EYA4: variants seen among roughly 807,000 people sequenced by gnomAD.
The protein encoded by EYA4 is EYA transcriptional coactivator and phosphatase 4, also known as protein phosphatase EYA4.
A neutral mutation model predicts 87.9 loss-of-function variants in EYA4; 31 were observed. The ratio of observed to expected loss-of-function variants is 0.35; its 90% CI spans 0.27 to 0.48. EYA4 has a LOEUF of 0.48. EYA4 is among the 20% of genes least tolerant of loss of function. The pLI is 0.99. For missense variants in EYA4, 678 were observed against 761.4 expected, an observed-to-expected ratio of 0.89 and a Z score of 1.29; for synonymous variants, 263 against 270.6, an observed-to-expected ratio of 0.97 and a Z score of 0.28.
rs544706660 is a variant in EYA4 at position 133,435,998 on chromosome 6, A to G, written c.84-10632A>G. ...CACTTTGGGAGGCTGAGGCAGTTGGATCAGGAGGTCAGGAGTTCGAGACCA... is the reference window on the plus strand; with the variant it reads ...CACTTTGGGAGGCTGAGGCAGTTGGGTCAGGAGGTCAGGAGTTCGAGACCA... On this transcript the variant is annotated intron_variant, in intron 3 of 19. Transcript: ENST00000355286. Among the ~76,000 whole-genome samples, 3 of 152,198 alleles carry G rather than the reference A, an allele frequency of 2.0e-5. No homozygotes were observed. In the South Asian group the frequency reaches 6.2e-4, roughly 32 times the overall value.
intron 13 of EYA4, among the ~76,000 whole-genome samples, chr6:133,505,766 A>G (rs1798550177): frequency 6.6e-6 from 1 of 152,100 alleles, no homozygotes; most frequent in Admixed American, 6.6e-5. Flanking sequence ...ACCCCATCCA[A>G]ATACCTTTCT....
chr6:133,293,149 C>T (rs1020197842), intron 2 of EYA4, among the ~76,000 whole-genome samples: 2 of 152,136 alleles, frequency 1.3e-5, no homozygotes, highest in African/African-American at 4.8e-5. Context: ...CTCAATTCCT[C>T]CTACTTCATT....
At chr6:133,414,653 AG>A (rs1388926462) in intron 3 of EYA4, among the ~76,000 whole-genome samples, 1 of 152,144 alleles carries the variant, frequency 6.6e-6, no homozygotes, top group Non-Finnish European at 1.5e-5. Flanking sequence ...AATTTTCCCC[AG>A]GGGGTAAACT....
intron 19 of EYA4, 79 bp downstream of exon 19, chr6:133,525,333 G>A: frequency 8.7e-7 from 1 of 1,143,656 alleles, no homozygotes; most frequent in Non-Finnish European, 1.3e-6. Flanking sequence ...TTGGCCCAAT[G>A]GCAGCTTGAC....
intron 3 of EYA4, among the ~76,000 whole-genome samples, chr6:133,393,813 A>G (rs1787514954): frequency 6.6e-6 from 1 of 152,164 alleles, no homozygotes; most frequent in African/African-American, 2.4e-5. Flanking sequence ...GCCACACCAC[A>G]CACATCTTCT....
At chr6:133,417,703 A>G (rs966377096) in intron 3 of EYA4, among the ~76,000 whole-genome samples, 5 of 152,226 alleles carry the variant, frequency 3.3e-5, no homozygotes, top group African/African-American at 9.6e-5. Context: ...AACAGCAGTC[A>G]AAACGTTATT....
At chr6:133,480,891 G>C (rs1483086479) in intron 11 of EYA4, among the ~76,000 whole-genome samples, 1 of 152,024 alleles carries the variant, frequency 6.6e-6, no homozygotes, top group Non-Finnish European at 1.5e-5. Flanking sequence ...GAAATTCCAG[G>C]TCAGAGGGAA....
Position 133,512,869 on chromosome 6 carries a change from G to T in EYA4, c.1341-9G>T, listed in dbSNP as rs1234007111. ...ATTATTTCTTTTTAATGTATTTTGG[G>T]TGTTACAGTACCTACAGTTTTGCAA... On this transcript the variant is annotated splice_polypyrimidine_tract_variant and intron_variant, in intron 15 of 19. Transcript: ENST00000355286. 1 of 1,613,966 alleles carries T rather than the reference G, an allele frequency of 6.2e-7. No individual in the cohort carries two copies. The highest frequency in any genetic ancestry group is 1.1e-5 in the South Asian group (1 of 91,068).
chr6:133,287,594 G>A (rs1778164915), intron 2 of EYA4, among the ~76,000 whole-genome samples: 1 of 152,164 alleles, frequency 6.6e-6, no homozygotes, highest in Non-Finnish European at 1.5e-5. Context: ...TTCTTGGGTG[G>A]CCACCATGAT....
intron 2 of EYA4, among the ~76,000 whole-genome samples, chr6:133,350,424 A>C (rs779028652): frequency 6.6e-5 from 10 of 152,122 alleles, no homozygotes; most frequent in Non-Finnish European, 1.2e-4. Flanking sequence ...GTTTATACTA[A>C]GTGGTTGATG....
chr6:133,446,949 A>G (rs549787215), intron 4 of EYA4, among the ~76,000 whole-genome samples, 195 bp downstream of exon 4: 3 of 152,330 alleles, frequency 2.0e-5, no homozygotes, highest in Admixed American at 1.3e-4. Context: ...ATAGCTGGGA[A>G]CATTCACAGA....
rs1800854381 is a variant in EYA4 at position 133,529,080 on chromosome 6, G to T, written c.*275G>T. 2.3e-5 allele frequency: 28 copies of T among 1,228,182 alleles called. No individual in the cohort carries two copies. The highest frequency in any genetic ancestry group is 2.6e-5 in the Non-Finnish European group (25 of 971,200). The allele number at this position is 1,228,182 out of a possible 1,614,324, so 76.1% of individuals were successfully genotyped here. On this transcript the variant is annotated 3_prime_UTR_variant, in exon 20 of 20. Transcript: ENST00000355286. ...GTACACACCAAATGAGTCCAAACTG[G>T]AATGAGCAGCTTTAGCAAAGAACTC...
chr6:133,397,767 T>C (rs1787924467), intron 3 of EYA4, among the ~76,000 whole-genome samples: 1 of 152,166 alleles, frequency 6.6e-6, no homozygotes, highest in African/African-American at 2.4e-5. Context: ...CTCACAATTA[T>C]GGCGGAAGGC....
chr6:133,383,163 G>T (rs1407836769), intron 3 of EYA4, among the ~76,000 whole-genome samples: 1 of 152,216 alleles, frequency 6.6e-6, no homozygotes, highest in East Asian at 1.9e-4. Context: ...TGTGTATTCA[G>T]TTGAGAGATG....
chr6:133,390,472 T>G (rs1340842358), intron 3 of EYA4, among the ~76,000 whole-genome samples: 3 of 152,196 alleles, frequency 2.0e-5, no homozygotes, highest in Non-Finnish European at 2.9e-5. Flanking sequence ...TCTGCCCGCC[T>G]TGGCCTCCTA....
chr6:133,272,018 C>G (rs753002336), intron 1 of EYA4, among the ~76,000 whole-genome samples: 1 of 152,216 alleles, frequency 6.6e-6, no homozygotes, highest in African/African-American at 2.4e-5. Context: ...CAGCCAAAAA[C>G]CATTGGCTAC....
chr6:133,503,139 A>G (rs1798283142), intron 13 of EYA4, among the ~76,000 whole-genome samples: 1 of 152,196 alleles, frequency 6.6e-6, no homozygotes, highest in Non-Finnish European at 1.5e-5. Context: ...TTTTTTTAAA[A>G]AAAATTATGC....
At chr6:133,448,256 C>G in intron 5 of EYA4, 77 bp downstream of exon 5, 8 of 1,054,260 alleles carry the variant, frequency 7.6e-6, no homozygotes, top group Non-Finnish European at 9.0e-6. Flanking sequence ...GTTGCTATGT[C>G]TATGTTTGCA....
intron 3 of EYA4, among the ~76,000 whole-genome samples, chr6:133,387,690 T>TTA (rs1786870633): frequency 6.6e-6 from 1 of 152,196 alleles, no homozygotes; most frequent in Non-Finnish European, 1.5e-5. Flanking sequence ...CCCCTGAAAA[T>TTA]GATAGATATT....
Sources: gnomAD v4.1 joint callset for allele counts (sites outside exome capture counted in the v4.1 genomes callset) on GRCh38, gnomAD v4.1.1 for gene constraint, MANE v1.5 for transcripts, NCBI Gene and HGNC (gene_info 2026-07-23, HGNC 2026-07-21) for gene names.